The following CALN1 variants were observed in gnomAD, a reference collection of about 807,000 sequenced individuals.
CALN1 encodes the protein calcium-binding protein 8.
CALN1 carries 17 observed loss-of-function variants against 30.6 expected under a neutral mutation model. That is an observed-to-expected ratio of 0.56 (90% CI 0.38 to 0.83). The LOEUF is 0.83. Among genes scored for constraint, CALN1 ranks in the 40% least tolerant of loss-of-function variants. CALN1 has a pLI of 0.00. For missense variants in CALN1, 291 were observed against 354.9 expected (o/e 0.82, Z 1.45); for synonymous variants, 156 against 131.4 (o/e 1.19, Z -1.28).
the CALN1 span, among the ~76,000 whole-genome samples, chr7:72,488,911 TA>T: frequency 4.6e-5 from 7 of 152,302 alleles, no homozygotes; most frequent in Non-Finnish European, 1.0e-4. Context: ...AGTTACTTCT[TA>T]AAAACTGATC....
intron 4 of CALN1, among the ~76,000 whole-genome samples, chr7:72,079,925 G>A (rs1182478979): frequency 7.3e-5 from 11 of 151,628 alleles, no homozygotes; most frequent in Non-Finnish European, 1.5e-4. Context: ...CATCTGCCAC[G>A]ATGCCCAGCT....
intron 3 of CALN1, among the ~76,000 whole-genome samples, chr7:72,210,106 G>A (rs1032571877): frequency 3.3e-5 from 5 of 151,970 alleles, no homozygotes. Context: ...TATGAAGAAG[G>A]ACAACTGCAG....
intron 5 of CALN1, among the ~76,000 whole-genome samples, chr7:71,823,242 G>GT (rs1241347052): frequency 6.6e-6 from 1 of 151,736 alleles, no homozygotes; most frequent in Non-Finnish European, 1.5e-5. Flanking sequence ...GAGTGCAGTA[G>GT]TAAGATCAGA....
At chr7:72,226,020 CGG>C (rs1029135199) in intron 3 of CALN1, among the ~76,000 whole-genome samples, 1 of 148,156 alleles carries the variant, frequency 6.7e-6, no homozygotes, top group Non-Finnish European at 1.5e-5. Flanking sequence ...CACTTGAACC[CGG>C]GAGGCAGGGG....
intron 2 of CALN1, among the ~76,000 whole-genome samples, chr7:72,389,345 C>T (rs539283962): frequency 2.6e-5 from 4 of 152,170 alleles, no homozygotes; most frequent in Non-Finnish European, 4.4e-5. Flanking sequence ...TCATAGCCTC[C>T]TTCTTTCTGG....
At chr7:71,836,824 G>A (rs1789638437) in intron 5 of CALN1, among the ~76,000 whole-genome samples, 1 of 151,412 alleles carries the variant, frequency 6.6e-6, no homozygotes, top group African/African-American at 2.4e-5. Context: ...CACTATGTTG[G>A]CCAGGTCGGT....
At chr7:72,369,266 G>A (rs148324822) in intron 2 of CALN1, among the ~76,000 whole-genome samples, 1,634 of 147,214 alleles carry the variant, frequency 0.011, 16 homozygotes, top group Middle Eastern at 0.025. Flanking sequence ...CGTACATTAC[G>A]CAAAGTGTTA....
At chr7:72,262,109 G>C (rs552937291) in intron 3 of CALN1, among the ~76,000 whole-genome samples, 4 of 152,302 alleles carry the variant, frequency 2.6e-5, no homozygotes, top group African/African-American at 9.6e-5. Flanking sequence ...CTCCATAGGG[G>C]AGTGAGTTCT....
At chr7:72,314,418 C>CACATATATATACATATATAT in intron 2 of CALN1, among the ~76,000 whole-genome samples, 1 of 148,112 alleles carries the variant, frequency 6.8e-6, no homozygotes, top group East Asian at 2.0e-4. Flanking sequence ...CATATATATA[C>CACATATATATACATATATAT]ACACATACAT....
At chr7:71,833,712 G>A (rs934589349) in intron 5 of CALN1, among the ~76,000 whole-genome samples, 1 of 152,012 alleles carries the variant, frequency 6.6e-6, no homozygotes, top group Non-Finnish European at 1.5e-5. Flanking sequence ...GGACCAGACT[G>A]GGTACCATAG....
At chr7:72,195,816 T>C (rs917466685) in intron 3 of CALN1, among the ~76,000 whole-genome samples, 28 of 152,154 alleles carry the variant, frequency 1.8e-4, no homozygotes, top group Admixed American at 1.3e-4. Flanking sequence ...CATTAGAAGT[T>C]ACAAGGTGTC....
chr7:72,369,198 A>AT (rs2129560207), intron 2 of CALN1, among the ~76,000 whole-genome samples: 1 of 151,738 alleles, frequency 6.6e-6, no homozygotes, highest in South Asian at 2.1e-4. Context: ...TTATAAGTTG[A>AT]TAAGTTTTAT....
At chr7:72,137,216 G>T (rs1215735887) in intron 3 of CALN1, among the ~76,000 whole-genome samples, 1 of 152,142 alleles carries the variant, frequency 6.6e-6, no homozygotes, top group Non-Finnish European at 1.5e-5. Flanking sequence ...TATGTTTCTG[G>T]TCAGAGAGGG....
chr7:72,375,112 A>G (rs1804480070), intron 2 of CALN1, among the ~76,000 whole-genome samples: 1 of 152,174 alleles, frequency 6.6e-6, no homozygotes, highest in African/African-American at 2.4e-5. Context: ...TTGCTGCATA[A>G]AAAATTACCA....
chr7:71,974,417 C>CAAAAAAA (rs1052896558), intron 5 of CALN1, among the ~76,000 whole-genome samples: 10 of 54,962 alleles, frequency 1.8e-4, no homozygotes, highest in East Asian at 6.2e-4. Context: ...GACTCCATCT[C>CAAAAAAA]AAAAAAAAAA....
chr7:71,946,140 GGGA>G (rs1562926385), intron 5 of CALN1, among the ~76,000 whole-genome samples: 1 of 152,098 alleles, frequency 6.6e-6, no homozygotes, highest in Non-Finnish European at 1.5e-5. Context: ...GTGGATCTTA[GGGA>G]AATGGTAGAT....
chr7:71,883,830 C>A (rs1385440739), intron 5 of CALN1, among the ~76,000 whole-genome samples: 1 of 152,172 alleles, frequency 6.6e-6, no homozygotes, highest in Non-Finnish European at 1.5e-5. Context: ...TCTTGTTTCA[C>A]CGCTGCCCAA....
chr7:72,095,875 T>C (rs1032632960), intron 4 of CALN1, among the ~76,000 whole-genome samples: 4 of 151,636 alleles, frequency 2.6e-5, no homozygotes, highest in Admixed American at 6.6e-5. Context: ...CTACAAATAA[T>C]AAAAAATAAA....
chr7:72,330,715 T>C (rs1801615458), intron 2 of CALN1, among the ~76,000 whole-genome samples: 1 of 152,206 alleles, frequency 6.6e-6, no homozygotes. Flanking sequence ...AGATTTGTGG[T>C]GCATGAGATA....
Sources: allele counts gnomAD v4.1 joint callset (sites outside exome capture counted in the v4.1 genomes callset), GRCh38; gene constraint gnomAD v4.1.1; transcripts MANE v1.5; gene names NCBI Gene and HGNC (gene_info 2026-07-23, HGNC 2026-07-21).